The following UQCC1 variants were observed in gnomAD, a reference collection of about 807,000 sequenced individuals.
The protein encoded by UQCC1 is ubiquinol-cytochrome c reductase complex assembly factor 1, also known as bFGF-repressed Zic-binding protein.
In UQCC1, 38 loss-of-function variants were observed where a neutral mutation model predicts 48.0. The observed-to-expected ratio is 0.79, with a 90% CI of 0.61 to 1.04. The LOEUF is 1.04. Ranked by LOEUF, UQCC1 falls within the 50% of genes least tolerant of loss-of-function variation. UQCC1 has a pLI of 0.00. For missense variants in UQCC1, 368 were observed against 381.8 expected (o/e 0.96, Z 0.30); for synonymous variants, 111 against 129.2 (o/e 0.86, Z 0.95).
chr20:35,376,119 C>T (rs1260674432), intron 4 of UQCC1, among the ~76,000 whole-genome samples: 1 of 151,800 alleles, frequency 6.6e-6, no homozygotes, highest in African/African-American at 2.4e-5. Flanking sequence ...ACCAGCCTGG[C>T]CAACATGGTG....
chr20:35,366,044 C>T (rs1377848636), intron 6 of UQCC1, among the ~76,000 whole-genome samples: 1 of 152,104 alleles, frequency 6.6e-6, no homozygotes, highest in Non-Finnish European at 1.5e-5. Context: ...ACTTATTTCA[C>T]AGCTGAAGAA....
chr20:35,406,784 C>T (rs961387135), intron 1 of UQCC1, among the ~76,000 whole-genome samples: 4 of 152,050 alleles, frequency 2.6e-5, no homozygotes, highest in East Asian at 3.8e-4. Flanking sequence ...TATAAATCTA[C>T]ATTGGTAGAC....
At chr20:35,406,565 T>C (rs945007286) in intron 1 of UQCC1, among the ~76,000 whole-genome samples, 4 of 152,204 alleles carry the variant, frequency 2.6e-5, no homozygotes, top group East Asian at 3.8e-4. Flanking sequence ...TGGAAAGAAT[T>C]TGTCAGTAGT....
At chr20:35,380,363 C>A (rs1217234009) in intron 4 of UQCC1, among the ~76,000 whole-genome samples, 1 of 152,142 alleles carries the variant, frequency 6.6e-6, no homozygotes, top group African/African-American at 2.4e-5. Context: ...GACTCAAGAA[C>A]ATCATTGTCA....
At chr20:35,357,183 G>A (rs527470340) in intron 6 of UQCC1, among the ~76,000 whole-genome samples, 3 of 151,180 alleles carry the variant, frequency 2.0e-5, no homozygotes, top group African/African-American at 4.9e-5. Context: ...TCCGGAGTTC[G>A]AGACCAGCCT....
intron 6 of UQCC1, among the ~76,000 whole-genome samples, chr20:35,351,723 C>A (rs567566039): frequency 9.2e-5 from 14 of 152,350 alleles, no homozygotes; most frequent in African/African-American, 3.4e-4. Context: ...CAGATTTTCT[C>A]AGACCATAAA....
intron 1 of UQCC1, among the ~76,000 whole-genome samples, chr20:35,397,649 AT>A (rs1258428642): frequency 6.6e-6 from 1 of 152,090 alleles, no homozygotes; most frequent in East Asian, 1.9e-4. Context: ...CCTATATTGT[AT>A]TAAATGTAAG....
intron 7 of UQCC1, among the ~76,000 whole-genome samples, chr20:35,340,674 T>TCTCCCTACATTGTCCAGG (rs2061367430): frequency 6.6e-6 from 1 of 152,122 alleles, no homozygotes; most frequent in African/African-American, 2.4e-5. Context: ...AAAGATGGGG[T>TCTCCCTACATTGTCCAGG]CTCCCTACAT....
chr20:35,315,774 C>T (rs190838278), intron 7 of UQCC1, among the ~76,000 whole-genome samples: 70 of 152,212 alleles, frequency 4.6e-4, no homozygotes, highest in Non-Finnish European at 7.1e-4. Context: ...ACTGTAGTCC[C>T]GGCTACTTGG....
At position 35,322,848 on chromosome 20, in the gene UQCC1, CTG is replaced by C. The variant is rs1365221577; in HGVS notation, c.574-8085_574-8084del. ...CTCAGATGGTCAGTCTCTAAATCTA[CTG>C]TCTTTTCTTTTTTTTGAGACGGAGT... On this transcript the variant is annotated intron_variant, in intron 7 of 9. Coordinates refer to ENST00000374385, the MANE Select transcript of UQCC1 (RefSeq NM_018244.5). Among the ~76,000 whole-genome samples, 4 of 152,056 alleles carry C rather than the reference CTG, an allele frequency of 2.6e-5. No homozygotes were observed. The East Asian group carries it at 7.7e-4, about 29-fold the overall frequency.
chr20:35,403,291 G>T (rs1326364714), intron 1 of UQCC1, among the ~76,000 whole-genome samples: 2 of 152,082 alleles, frequency 1.3e-5, no homozygotes, highest in Non-Finnish European at 1.5e-5. Flanking sequence ...TAGAATAACT[G>T]GTGTGGGCTT....
chr20:35,393,292 A>T (rs2062033330), intron 2 of UQCC1, among the ~76,000 whole-genome samples: 2 of 152,140 alleles, frequency 1.3e-5, no homozygotes, highest in Non-Finnish European at 1.5e-5. Flanking sequence ...TGGCAAAAAA[A>T]AGGAAATGAT....
chr20:35,373,941 G>A (rs373236211), intron 5 of UQCC1, among the ~76,000 whole-genome samples: 3 of 152,196 alleles, frequency 2.0e-5, no homozygotes, highest in African/African-American at 7.2e-5. Context: ...AGGAGGCTGA[G>A]GTGGTAGGAC....
At chr20:35,367,272 C>T (rs902206407) in intron 5 of UQCC1, among the ~76,000 whole-genome samples, 2 of 152,010 alleles carry the variant, frequency 1.3e-5, no homozygotes. Context: ...TGGTTCCTTC[C>T]AGCTTCCGTG....
chr20:35,323,563 C>A (rs182792388), intron 7 of UQCC1, among the ~76,000 whole-genome samples: 1 of 152,286 alleles, frequency 6.6e-6, no homozygotes, highest in East Asian at 1.9e-4. Flanking sequence ...GTCTTACCAA[C>A]CGTACTTAAG....
intron 7 of UQCC1, among the ~76,000 whole-genome samples, chr20:35,330,585 C>A (rs905129753): frequency 1.3e-5 from 2 of 152,190 alleles, no homozygotes; most frequent in African/African-American, 2.4e-5. Flanking sequence ...CCAACCACTT[C>A]ATCAGACGAG....
At chr20:35,304,406 AG>A (rs1463322419) in intron 9 of UQCC1, among the ~76,000 whole-genome samples, 2 of 152,102 alleles carry the variant, frequency 1.3e-5, no homozygotes, top group Non-Finnish European at 2.9e-5. Flanking sequence ...CCTGCAGGCC[AG>A]GAAGTCAGGG....
intron 8 of UQCC1, among the ~76,000 whole-genome samples, chr20:35,313,887 C>A (rs1435972156): frequency 6.6e-6 from 1 of 152,112 alleles, no homozygotes; most frequent in Non-Finnish European, 1.5e-5. Flanking sequence ...GGATTACAGG[C>A]GTGAGCCACT....
At chr20:35,381,035 G>T (rs1467571358) in intron 4 of UQCC1, among the ~76,000 whole-genome samples, 1 of 152,142 alleles carries the variant, frequency 6.6e-6, no homozygotes, top group Non-Finnish European at 1.5e-5. Context: ...GAACTGAATC[G>T]CTGATGTTTT....
Sources: gnomAD v4.1 joint callset for allele counts (sites outside exome capture counted in the v4.1 genomes callset) on GRCh38, gnomAD v4.1.1 for gene constraint, MANE v1.5 for transcripts, NCBI Gene and HGNC (gene_info 2026-07-23, HGNC 2026-07-21) for gene names.